Variants in PDE8A observed in about 807,000 individuals in gnomAD.
PDE8A encodes high affinity cAMP-specific and IBMX-insensitive 3',5'-cyclic phosphodiesterase 8A.
A neutral mutation model predicts 105.0 loss-of-function variants in PDE8A; 59 were observed. The ratio of observed to expected loss-of-function variants is 0.56; its 90% CI spans 0.46 to 0.70. The LOEUF (loss-of-function observed/expected upper bound fraction) is 0.70, where lower values mean the gene tolerates loss of function less well. Among genes scored for constraint, PDE8A ranks in the 30% least tolerant of loss-of-function variants. The pLI, the probability that PDE8A is intolerant of heterozygous loss-of-function variation, is 0.00. For synonymous variants in PDE8A, 355 were observed against 371.9 expected (o/e 0.95, Z 0.52); for missense variants, 1,014 against 1,045.9 (o/e 0.97, Z 0.42).
intron 1 of PDE8A, 78 bp downstream of exon 1, chr15:84,982,426 C>T (rs1026751369): frequency 1.4e-5 from 13 of 945,026 alleles, no homozygotes; most frequent in Admixed American, 4.3e-5. Flanking sequence ...AGGGGCCGGG[C>T]GGGGTCCCCC....
chr15:85,136,876 T>A (rs2082419297), intron 21 of PDE8A, among the ~76,000 whole-genome samples: 1 of 152,102 alleles, frequency 6.6e-6, no homozygotes, highest in Non-Finnish European at 1.5e-5. Flanking sequence ...GTTTTATAGA[T>A]GACGGGATTG....
rs2080242734 is a variant in PDE8A, at chr15:85,011,751, G to A, written c.186+29403G>A. Among the ~76,000 whole-genome samples the A allele has an allele frequency of 3.9e-5, 6 of 152,214 alleles. No homozygotes were observed. The South Asian group carries it at 1.2e-3, about 32-fold the overall frequency. The stretch of plus-strand genomic sequence containing the variant: ...CAGCAAAAGAAACTACCATCAGAGT[G>A]AACAGGCAACCTACAAAATGGGAGA... On this transcript the variant is annotated intron_variant, in intron 1 of 21. Transcript: ENST00000394553.
chr15:85,067,303 C>A, intron 3 of PDE8A, 99 bp downstream of exon 3: 1 of 807,958 alleles, frequency 1.2e-6, no homozygotes, highest in Non-Finnish European at 1.9e-6. Flanking sequence ...TTTTAAGTTG[C>A]TTTCCATGCA....
intron 1 of PDE8A, among the ~76,000 whole-genome samples, chr15:85,051,474 T>C (rs534606008): frequency 2.2e-4 from 33 of 152,258 alleles, no homozygotes; most frequent in African/African-American, 6.7e-4. Context: ...AAATTTTTTT[T>C]CTTCAATTTT....
chr15:85,123,996 A>G (rs999682607), intron 19 of PDE8A, among the ~76,000 whole-genome samples: 4 of 151,772 alleles, frequency 2.6e-5, no homozygotes, highest in Non-Finnish European at 5.9e-5. Flanking sequence ...CTTTCTAGCC[A>G]CTCCCACTGG....
chr15:85,070,925 C>T (rs2081301409), intron 3 of PDE8A, among the ~76,000 whole-genome samples: 2 of 152,144 alleles, frequency 1.3e-5, no homozygotes, highest in Non-Finnish European at 1.5e-5. Flanking sequence ...TCCAGTAGTT[C>T]CTAACAGAGT....
Position 85,126,297 on chromosome 15 carries a change from G to C in PDE8A, c.2176G>C (p.Asp726His). 1 of 1,613,322 alleles carries C rather than the reference G, an allele frequency of 6.2e-7. No homozygotes were observed. Among genetic ancestry groups the C allele is most frequent in the Non-Finnish European group, 8.5e-7 (1 of 1,179,640 alleles). Residue 726 changes from aspartate to histidine, a missense_variant, in exon 20 of 22, where the codon GAT (aspartate) becomes CAT (histidine). Coordinates refer to ENST00000394553, the MANE Select transcript of PDE8A (RefSeq NM_002605.3). ...LIKRMLIKCADVSNPCRPLQY... is the reference protein window; with the variant it reads ...LIKRMLIKCAHVSNPCRPLQY... Reference sequence around the variant, plus strand: ...CAAACGAATGCTGATTAAATGTGCTGATGTGTCCAATCCCTGCCGACCCCT... The same window carrying C: ...CAAACGAATGCTGATTAAATGTGCTCATGTGTCCAATCCCTGCCGACCCCT...
At chr15:84,999,318 A>C (rs2080028754) in intron 1 of PDE8A, among the ~76,000 whole-genome samples, 1 of 151,890 alleles carries the variant, frequency 6.6e-6, no homozygotes, top group East Asian at 1.9e-4. Flanking sequence ...ATGGGGTTTC[A>C]CCATGTTGGC....
chr15:85,075,469 G>A (rs1386147248), intron 3 of PDE8A, among the ~76,000 whole-genome samples: 1 of 152,168 alleles, frequency 6.6e-6, no homozygotes, highest in Admixed American at 6.5e-5. Context: ...TGTAAGCATA[G>A]CCATCATCTT....
At chr15:85,032,196 A>G (rs190900045) in intron 1 of PDE8A, among the ~76,000 whole-genome samples, 1 of 152,238 alleles carries the variant, frequency 6.6e-6, no homozygotes, top group Non-Finnish European at 1.5e-5. Context: ...AAACTCACAG[A>G]CAGTAGACAA....
chr15:85,046,664 C>A (rs896283213), intron 1 of PDE8A, among the ~76,000 whole-genome samples: 2 of 151,900 alleles, frequency 1.3e-5, no homozygotes, highest in Non-Finnish European at 2.9e-5. Flanking sequence ...TGTAGTATAC[C>A]AAATGGTGAT....
At chr15:85,112,197 G>A (rs931026717) in intron 12 of PDE8A, among the ~76,000 whole-genome samples, 3 of 151,930 alleles carry the variant, frequency 2.0e-5, no homozygotes, top group Non-Finnish European at 4.4e-5. Context: ...CAAGAATTAT[G>A]TGTATTTATC....
At chr15:85,109,490 TTA>T (rs2081991603) in intron 12 of PDE8A, among the ~76,000 whole-genome samples, 1 of 152,224 alleles carries the variant, frequency 6.6e-6, no homozygotes, top group African/African-American at 2.4e-5. Flanking sequence ...ATGGAAACTT[TTA>T]GAGAGAGGTG....
chr15:84,982,669 C>T (rs1306748781), intron 1 of PDE8A, among the ~76,000 whole-genome samples: 3 of 152,202 alleles, frequency 2.0e-5, no homozygotes, highest in Non-Finnish European at 4.4e-5. Context: ...CATCAATTTC[C>T]TCTCCAAGAG....
At chr15:84,987,495 G>C (rs1555462601) in intron 1 of PDE8A, among the ~76,000 whole-genome samples, 1 of 94,924 alleles carries the variant, frequency 1.1e-5, no homozygotes, top group Admixed American at 1.2e-4. Flanking sequence ...TTTAAAGACA[G>C]TTTTTTGCTC....
chr15:85,100,196 C>G lies in PDE8A; in HGVS notation c.1034C>G (p.Thr345Arg). 1 of 1,612,016 alleles carries G rather than the reference C, an allele frequency of 6.2e-7. No homozygotes were observed. The highest frequency in any genetic ancestry group is 8.5e-7 in the Non-Finnish European group (1 of 1,178,188). Residue 345 changes from threonine (T) to arginine (R), a missense_variant and splice_region_variant, in exon 11 of 22, where the codon ACA becomes AGA. Transcript: ENST00000394553. ...GAATGTGTTCAGTCTGACACTCATA[C>G]AGGTACGGTGCCCCGTATTTATTCT... is the stretch of plus-strand genomic sequence containing the variant. ...ISECVQSDTHTDNQTGKHKDR... is the reference protein window; with the variant it reads ...ISECVQSDTHRDNQTGKHKDR...
Position 84,981,972 on chromosome 15 carries a change from A to C in PDE8A, c.-191A>C. 3.5e-6 allele frequency: 1 copy of C among 289,112 alleles called. No homozygotes were observed. The allele number at this position is 289,112 out of a possible 1,614,324, so 17.9% of individuals were successfully genotyped here. A position where few individuals can be genotyped will look rare whatever the true frequency, so the allele number is the denominator to read the frequency against. On this transcript the variant is annotated 5_prime_UTR_variant, in exon 1 of 22. Transcript: ENST00000394553. ...CGCCTAAGCGCCCCCTTCCCACCGC[A>C]GCCGCCGCCGCCGCAGCGCCCGCAC...
At chr15:85,127,801 G>A (rs936310122) in intron 20 of PDE8A, among the ~76,000 whole-genome samples, 1 of 151,966 alleles carries the variant, frequency 6.6e-6, no homozygotes, top group Non-Finnish European at 1.5e-5. Context: ...GAAGTCTACA[G>A]ACTGTTTCTA....
In PDE8A at chr15:85,048,267, A is replaced by AG. The variant is rs745730331; in HGVS notation, c.187-16101dup. On this transcript the variant is annotated intron_variant, in intron 1 of 21. Coordinates refer to ENST00000394553, the MANE Select transcript of PDE8A (RefSeq NM_002605.3). ...ATAAAAACTGTACAGTTTTTACTTT[A>AG]GGAATATATTTTAAGGGTTTTTTTC... 4.6e-5 allele frequency among the ~76,000 whole-genome samples: 7 copies of AG among 152,134 alleles called. No individual in the cohort carries two copies. The East Asian group carries it at 9.6e-4, about 21-fold the overall frequency.
Sources: gnomAD v4.1 joint callset for allele counts (sites outside exome capture counted in the v4.1 genomes callset) on GRCh38, gnomAD v4.1.1 for gene constraint, MANE v1.5 for transcripts, NCBI Gene and HGNC (gene_info 2026-07-23, HGNC 2026-07-21) for gene names.